Variants in ITPRID1 observed in about 807,000 individuals in gnomAD.
The protein encoded by ITPRID1 is ITPR interacting domain containing 1.
A neutral mutation model predicts 95.4 loss-of-function variants in ITPRID1; 96 were observed. The observed-to-expected ratio is 1.01, with a 90% CI of 0.85 to 1.19. The LOEUF (loss-of-function observed/expected upper bound fraction) is 1.19, where lower values mean the gene tolerates loss of function less well. ITPRID1 is among the 50% of genes most tolerant of loss of function. The pLI is 0.00. For synonymous variants in ITPRID1, 510 were observed against 453.6 expected (o/e 1.12, Z -1.58); for missense variants, 1,339 against 1,252.9 (o/e 1.07, Z -1.04).
At chr7:31,637,879 G>C (rs920735563) in intron 10 of ITPRID1, among the ~76,000 whole-genome samples, 2 of 152,232 alleles carry the variant, frequency 1.3e-5, no homozygotes, top group Non-Finnish European at 2.9e-5. Flanking sequence ...GGTCTAACAT[G>C]TAAGTCTTTA....
At position 31,583,110 on chromosome 7, in the gene ITPRID1, C is replaced by A. The variant is rs559248336; in HGVS notation, c.1171-24C>A. 32 of 1,564,536 alleles carry A rather than the reference C, an allele frequency of 2.0e-5. No individual in the cohort carries two copies. In the South Asian group the frequency reaches 2.9e-4, roughly 14 times the overall value. On this transcript the variant is annotated intron_variant, in intron 9 of 14. Coordinates refer to ENST00000615280, the MANE Select transcript of ITPRID1 (RefSeq NM_001257967.3). ...ATTTATTTGACAAAATTTCTAATGA[C>A]ATTGATGCATTTTGATATCTTAGGT...
Position 31,553,102 on chromosome 7 carries a change from C to T in ITPRID1, c.78C>T (p.Cys26=), listed in dbSNP as rs1784336400. Residue 26 remains cysteine (C), a synonymous_variant, in exon 3 of 15, where the codon TGC becomes TGT. Transcript: ENST00000615280. The stretch of plus-strand genomic sequence containing the variant: ...AGAGCAAGAGAGAGATCCTGAAGTG[C>T]ACCAAAAGCGCGTGGGCTCCGCTGG... ...QEKSKREILK[C]TKSAWAPLDE... is the part of the protein sequence containing the mutation. The T allele has an allele frequency of 1.9e-6, 3 of 1,604,352 alleles. No individual in the cohort carries two copies. Among genetic ancestry groups the T allele is most frequent in the South Asian group, 1.1e-5 (1 of 89,066 alleles).
chr7:31,637,356 G>A (rs1268616016), intron 10 of ITPRID1, among the ~76,000 whole-genome samples: 3 of 152,130 alleles, frequency 2.0e-5, no homozygotes, highest in Non-Finnish European at 2.9e-5. Flanking sequence ...CCCACCAACA[G>A]TGTAAAAGTG....
chr7:31,615,655 C>CT (rs934261175), intron 10 of ITPRID1, among the ~76,000 whole-genome samples: 16 of 149,736 alleles, frequency 1.1e-4, no homozygotes, highest in African/African-American at 3.7e-4. Flanking sequence ...ATTACATAGG[C>CT]TTTCATTCTT....
rs373943918 is a variant in ITPRID1, at chr7:31,578,193, C to T, written c.929C>T (p.Ser310Phe). The T allele has an allele frequency of 6.2e-7, 1 of 1,613,698 alleles. No individual in the cohort carries two copies. The highest frequency in any genetic ancestry group is 8.5e-7 in the Non-Finnish European group (1 of 1,179,772). ...TSINHKQNHLSLSVEHQSLQA... is the reference protein window; with the variant it reads ...TSINHKQNHLFLSVEHQSLQA... ...ATCAACCACAAGCAAAATCATTTGT[C>T]TCTGTCAGTAGAACATCAGTCTCTC... The change falls in exon 9 of 15, where the codon TCT becomes TTT. Residue 310 changes from serine to phenylalanine, a missense_variant. Coordinates refer to ENST00000615280, the MANE Select transcript of ITPRID1 (RefSeq NM_001257967.3).
intron 1 of ITPRID1, among the ~76,000 whole-genome samples, chr7:31,520,064 C>G (rs1783192468): frequency 6.6e-6 from 1 of 151,518 alleles, no homozygotes; most frequent in Non-Finnish European, 1.5e-5. Flanking sequence ...ACTTTTCTTG[C>G]TTTTGATGAT....
At chr7:31,519,620 C>CTCTCTCTCTCTCTATATATA in intron 1 of ITPRID1, among the ~76,000 whole-genome samples, 26 of 25,250 alleles carry the variant, frequency 1.0e-3, no homozygotes, top group Non-Finnish European at 1.8e-3. Context: ...CTCTCTCTCT[C>CTCTCTCTCTCTCTATATATA]TATATATATA....
At position 31,651,130 on chromosome 7, in the gene ITPRID1, C is replaced by A; in HGVS notation, c.2584-12C>A. ...GAGGACTTTCTTCTCAGTTCTTTCT[C>A]ATTGTTCTCAGTGCACAGTCCATGA... On this transcript the variant is annotated splice_polypyrimidine_tract_variant and intron_variant, in intron 12 of 14. Coordinates refer to ENST00000615280, the MANE Select transcript of ITPRID1 (RefSeq NM_001257967.3). The A allele has an allele frequency of 6.2e-7, 1 of 1,609,842 alleles. No individual in the cohort carries two copies. The highest frequency in any genetic ancestry group is 1.1e-5 in the South Asian group (1 of 90,124).
At chr7:31,586,363 G>A (rs1167975981) in intron 10 of ITPRID1, among the ~76,000 whole-genome samples, 2 of 151,264 alleles carry the variant, frequency 1.3e-5, no homozygotes, top group African/African-American at 4.9e-5. Context: ...CCAGTAATGG[G>A]ATGGCTGGGT....
chr7:31,618,191 A>C (rs1179706669), intron 10 of ITPRID1, among the ~76,000 whole-genome samples: 1 of 152,196 alleles, frequency 6.6e-6, no homozygotes, highest in East Asian at 1.9e-4. Flanking sequence ...CCCAAACTTA[A>C]GATCAGCCTT....
intron 10 of ITPRID1, among the ~76,000 whole-genome samples, chr7:31,604,600 G>A (rs1163512929): frequency 6.6e-6 from 1 of 152,148 alleles, no homozygotes; most frequent in Non-Finnish European, 1.5e-5. Context: ...TTAACTAGGG[G>A]TTGTGTTGAT....
Position 31,651,224 on chromosome 7 carries a change from TG to T in ITPRID1, c.2669del (p.Gly890AspfsTer28), listed in dbSNP as rs773937046. On this transcript the variant is annotated frameshift_variant, in exon 13 of 15. Coordinates refer to ENST00000615280, the MANE Select transcript of ITPRID1 (RefSeq NM_001257967.3). LOFTEE classifies it high-confidence loss of function. ...EYLEEIEQHL[M>X]GQQALFSRDM... Reference sequence around the variant, plus strand: ...TTAGAAGAAATTGAACAGCACCTTATGGGACAGCAGGCCCTCTTTTCCAGGG... The same window carrying T: ...TTAGAAGAAATTGAACAGCACCTTATGGACAGCAGGCCCTCTTTTCCAGGG... The T allele has an allele frequency of 3.1e-6, 5 of 1,613,584 alleles. No individual in the cohort carries two copies. The highest frequency in any genetic ancestry group is 4.2e-6 in the Non-Finnish European group (5 of 1,179,646).
At chr7:31,650,396 C>T (rs1261677308) in intron 12 of ITPRID1, among the ~76,000 whole-genome samples, 1 of 151,960 alleles carries the variant, frequency 6.6e-6, no homozygotes, top group Admixed American at 6.6e-5. Context: ...GTGGAGAGTT[C>T]CAAAGTTCTC....
chr7:31,609,023 A>G (rs1313338055), intron 10 of ITPRID1, among the ~76,000 whole-genome samples: 3 of 151,680 alleles, frequency 2.0e-5, no homozygotes, highest in African/African-American at 7.2e-5. Flanking sequence ...TTGGGTGTTC[A>G]TATCATAACA....
At chr7:31,611,863 G>C (rs1419859341) in intron 10 of ITPRID1, among the ~76,000 whole-genome samples, 1 of 151,896 alleles carries the variant, frequency 6.6e-6, no homozygotes, top group Admixed American at 6.6e-5. Context: ...GGAGTTTGTT[G>C]AGCTTTTTGG....
intron 6 of ITPRID1, among the ~76,000 whole-genome samples, chr7:31,571,767 T>G (rs1784997661): frequency 6.6e-6 from 1 of 152,212 alleles, no homozygotes; most frequent in African/African-American, 2.4e-5. Context: ...TAATTTTAAC[T>G]TCTTCCTGAA....
chr7:31,588,829 G>T (rs1321885947), intron 10 of ITPRID1, among the ~76,000 whole-genome samples: 1 of 151,938 alleles, frequency 6.6e-6, no homozygotes, highest in East Asian at 1.9e-4. Flanking sequence ...AGGACTTAAA[G>T]AATCTGTTAA....
chr7:31,615,674 C>T (rs1051749581), intron 10 of ITPRID1, among the ~76,000 whole-genome samples: 1 of 137,860 alleles, frequency 7.3e-6, no homozygotes, highest in Non-Finnish European at 1.6e-5. Flanking sequence ...TTAGACATGA[C>T]CAAGATCATT....
intron 10 of ITPRID1, among the ~76,000 whole-genome samples, chr7:31,619,378 A>AT (rs1787579849): frequency 6.6e-6 from 1 of 152,146 alleles, no homozygotes; most frequent in Admixed American, 6.5e-5. Context: ...TCAGTGTTGA[A>AT]TTTTCAATTC....
Sources: allele counts gnomAD v4.1 joint callset (sites outside exome capture counted in the v4.1 genomes callset), GRCh38; gene constraint gnomAD v4.1.1; transcripts MANE v1.5; gene names NCBI Gene and HGNC (gene_info 2026-07-23, HGNC 2026-07-21).